The following ATP8A1 variants were observed in gnomAD, a reference collection of about 807,000 sequenced individuals.
The protein encoded by ATP8A1 is ATPase phospholipid transporting 8A1.
Under a neutral mutation model 177.7 loss-of-function variants are expected in ATP8A1, and 90 were observed. The ratio of observed to expected loss-of-function variants is 0.51; its 90% CI spans 0.43 to 0.60. ATP8A1 has a LOEUF of 0.60. Among genes scored for constraint, ATP8A1 ranks in the 20% least tolerant of loss-of-function variants. The pLI, the probability that ATP8A1 is intolerant of heterozygous loss-of-function variation, is 0.00. For missense variants in ATP8A1, 1,072 were observed against 1,392.8 expected (o/e 0.77, Z 3.67); for synonymous variants, 493 against 485.9 (o/e 1.01, Z -0.19).
intron 1 of ATP8A1, among the ~76,000 whole-genome samples, chr4:42,646,573 T>C (rs1463844957): frequency 6.6e-6 from 1 of 152,138 alleles, no homozygotes; most frequent in African/African-American, 2.4e-5. Context: ...AAACCATCTC[T>C]TTGACTCAAC....
Position 42,497,410 on chromosome 4 carries a change from G to GA in ATP8A1, c.2151+6039dup, listed in dbSNP as rs758355082. 5.5e-4 allele frequency among the ~76,000 whole-genome samples: 84 copies of GA among 152,306 alleles called. No individual in the cohort carries two copies. The Middle Eastern group carries it at 0.017, about 31-fold the overall frequency. ...CACGAGGCATGGCGTGCGCCTCTCAGAAATGTCAACAAACTTGTGGGGGAG... is the reference window on the plus strand; with the variant it reads ...CACGAGGCATGGCGTGCGCCTCTCAGAAAATGTCAACAAACTTGTGGGGGAG... On this transcript the variant is annotated intron_variant, in intron 24 of 36. Transcript: ENST00000381668.
chr4:42,473,483 C>G (rs1241542000), intron 25 of ATP8A1, among the ~76,000 whole-genome samples: 1 of 152,142 alleles, frequency 6.6e-6, no homozygotes, highest in Non-Finnish European at 1.5e-5. Flanking sequence ...GCCTAGAGTG[C>G]TTCCCCTTTC....
chr4:42,606,739 A>AT (rs1460557452), intron 5 of ATP8A1, among the ~76,000 whole-genome samples: 1 of 152,006 alleles, frequency 6.6e-6, no homozygotes, highest in Non-Finnish European at 1.5e-5. Flanking sequence ...TCTGACTTCT[A>AT]TTTTTTTCTA....
At chr4:42,413,838 T>C (rs1275074372) in intron 36 of ATP8A1, among the ~76,000 whole-genome samples, 2 of 152,192 alleles carry the variant, frequency 1.3e-5, no homozygotes, top group Admixed American at 6.5e-5. Context: ...TAGACAATTA[T>C]TGTTTGTCAA....
chr4:42,598,127 ATATT>A lies in ATP8A1; in HGVS notation c.450+2347_450+2350del, dbSNP rs746318046. 3.9e-5 allele frequency among the ~76,000 whole-genome samples: 6 copies of A among 152,102 alleles called. No homozygotes were observed. The East Asian group carries it at 1.2e-3, about 29-fold the overall frequency. The stretch of plus-strand genomic sequence containing the variant: ...ATTTTGAGATATTGCTCTTCTTCAA[ATATT>A]TATTAAGGCCTTTATTCTATTTGTA... On this transcript the variant is annotated intron_variant, in intron 6 of 36. Transcript: ENST00000381668.
At chr4:42,571,797 C>T in intron 14 of ATP8A1, among the ~76,000 whole-genome samples, 1 of 152,108 alleles carries the variant, frequency 6.6e-6, no homozygotes, top group East Asian at 1.9e-4. Flanking sequence ...TTGATTTCTA[C>T]AAGATAATCA....
intron 22 of ATP8A1, among the ~76,000 whole-genome samples, chr4:42,516,522 T>C (rs1172038259): frequency 6.6e-6 from 1 of 152,256 alleles, no homozygotes; most frequent in Non-Finnish European, 1.5e-5. Context: ...CTGTTTTCTG[T>C]AATTCTCAAG....
chr4:42,607,436 A>G (rs1172124476), intron 5 of ATP8A1, among the ~76,000 whole-genome samples: 1 of 152,348 alleles, frequency 6.6e-6, no homozygotes, highest in African/African-American at 2.4e-5. Context: ...CCCAGTCCTT[A>G]GAACAATGAA....
At position 42,646,592 on chromosome 4, in the gene ATP8A1, C is replaced by T. The variant is rs115561293; in HGVS notation, c.49+10233G>A. Among the ~76,000 whole-genome samples the T allele has an allele frequency of 6.0e-3, 908 of 152,244 alleles. 6 individuals are homozygous for T. The highest frequency in any genetic ancestry group is 0.01 in the Middle Eastern group (3 of 292). ...CATCTCTTTGACTCAACCCTGCATACCATTGTTTGCTTGTTTCACTCACAA... is the reference window on the plus strand; with the variant it reads ...CATCTCTTTGACTCAACCCTGCATATCATTGTTTGCTTGTTTCACTCACAA... On this transcript the variant is annotated intron_variant, in intron 1 of 36. Transcript: ENST00000381668.
intron 19 of ATP8A1, 53 bp from the exon 20 acceptor site, chr4:42,544,039 A>ATG: frequency 4.3e-6 from 6 of 1,405,796 alleles, no homozygotes; most frequent in Non-Finnish European, 6.0e-6. Flanking sequence ...ATATGCATGT[A>ATG]TGTGTTTGTC....
At chr4:42,609,840 A>C (rs73810758) in intron 5 of ATP8A1, among the ~76,000 whole-genome samples, 4,656 of 152,170 alleles carry the variant, frequency 0.031, 88 homozygotes, top group South Asian at 0.06. Flanking sequence ...GTGGAAGCCT[A>C]TCCATACTTT....
chr4:42,484,239 CTCTT>C (rs1242189064), intron 25 of ATP8A1, among the ~76,000 whole-genome samples: 1 of 152,100 alleles, frequency 6.6e-6, no homozygotes, highest in Non-Finnish European at 1.5e-5. Context: ...AATTTCCAGT[CTCTT>C]TATGATTAAG....
chr4:42,657,048 G>A lies in ATP8A1; in HGVS notation c.-175C>T. ...CGGCCCCCGCACGCCGACAGGAGGA[G>A]GAGAAAGGCAGCGGTGGCGGCGAAG... On this transcript the variant is annotated 5_prime_UTR_variant, in exon 1 of 37. Transcript: ENST00000381668. 3.6e-6 allele frequency: 2 copies of A among 554,210 alleles called. No homozygotes were observed. The highest frequency in any genetic ancestry group is 5.4e-6 in the Non-Finnish European group (2 of 369,872). The allele number at this position is 554,210 out of a possible 1,614,324, so 34.3% of individuals were successfully genotyped here.
At chr4:42,475,086 A>T (rs569678463) in intron 25 of ATP8A1, among the ~76,000 whole-genome samples, 2 of 152,210 alleles carry the variant, frequency 1.3e-5, no homozygotes, top group Non-Finnish European at 2.9e-5. Context: ...TCCAAGGCAC[A>T]AACAATATTT....
chr4:42,531,176 C>T (rs1256996749), intron 20 of ATP8A1, among the ~76,000 whole-genome samples: 2 of 152,100 alleles, frequency 1.3e-5, no homozygotes, highest in South Asian at 2.1e-4. Flanking sequence ...TCCATTAGGG[C>T]GACTCTTAGT....
At chr4:42,419,888 A>G (rs1713675905) in intron 35 of ATP8A1, among the ~76,000 whole-genome samples, 1 of 152,186 alleles carries the variant, frequency 6.6e-6, no homozygotes, top group African/African-American at 2.4e-5. Context: ...CTGTAATCCC[A>G]GCTACTAGGG....
intron 13 of ATP8A1, among the ~76,000 whole-genome samples, chr4:42,575,369 G>T (rs1012313020): frequency 9.9e-5 from 15 of 152,128 alleles, no homozygotes; most frequent in Admixed American, 5.2e-4. Flanking sequence ...TTGCATACTA[G>T]CTTGACTATA....
chr4:42,424,914 G>C (rs1392180644), intron 33 of ATP8A1, among the ~76,000 whole-genome samples: 3 of 152,090 alleles, frequency 2.0e-5, no homozygotes, highest in Non-Finnish European at 4.4e-5. Flanking sequence ...CAATGAAATA[G>C]CACCAATATT....
chr4:42,515,579 G>A (rs1725445778), intron 22 of ATP8A1, among the ~76,000 whole-genome samples: 1 of 152,168 alleles, frequency 6.6e-6, no homozygotes, highest in South Asian at 2.1e-4. Context: ...CACGTTTTGG[G>A]GAGGGGTAAA....
Sources: gnomAD v4.1 joint callset for allele counts (sites outside exome capture counted in the v4.1 genomes callset) on GRCh38, gnomAD v4.1.1 for gene constraint, MANE v1.5 for transcripts, NCBI Gene and HGNC (gene_info 2026-07-23, HGNC 2026-07-21) for gene names.